PREX2: variants seen among roughly 807,000 people sequenced by gnomAD.
The protein encoded by PREX2 is phosphatidylinositol 3,4,5-trisphosphate-dependent Rac exchanger 2 protein.
In PREX2, 107 loss-of-function variants were observed where a neutral mutation model predicts 203.2. The observed-to-expected ratio is 0.53, with a 90% CI of 0.45 to 0.62. The LOEUF (loss-of-function observed/expected upper bound fraction) is 0.62, where lower values mean the gene tolerates loss of function less well. Ranked by LOEUF, PREX2 falls within the 20% of genes least tolerant of loss-of-function variation. The pLI, the probability that PREX2 is intolerant of heterozygous loss-of-function variation, is 0.00. For synonymous variants in PREX2, 672 were observed against 663.6 expected, an observed-to-expected ratio of 1.01 and a Z score of -0.19; for missense variants, 1,777 against 1,955.9, an observed-to-expected ratio of 0.91 and a Z score of 1.72.
intron 1 of PREX2, among the ~76,000 whole-genome samples, chr8:67,958,177 C>T (rs957906216): frequency 2.0e-5 from 3 of 152,180 alleles, no homozygotes; most frequent in African/African-American, 7.2e-5. Context: ...TGCAGACAAA[C>T]GCAGCTTATA....
At chr8:68,083,535 A>AT (rs1249284842) in intron 18 of PREX2, 147 bp downstream of exon 18, 3 of 495,202 alleles carry the variant, frequency 6.1e-6, no homozygotes, top group Admixed American at 7.1e-5. Flanking sequence ...TGGTTTACAG[A>AT]TGATGGGAGA....
chr8:68,087,691 G>T (rs772996350), intron 18 of PREX2, 33 bp from the exon 19 acceptor site: 1 of 1,478,468 alleles, frequency 6.8e-7, no homozygotes, highest in Non-Finnish European at 9.5e-7. Context: ...TGATTCTTAC[G>T]CTTCATCTTA....
intron 1 of PREX2, among the ~76,000 whole-genome samples, chr8:67,976,217 A>T (rs2129609009): frequency 6.6e-6 from 1 of 152,246 alleles, no homozygotes; most frequent in African/African-American, 2.4e-5. Flanking sequence ...ACTAGGTCTT[A>T]AGGGCTCTTG....
chr8:68,001,908 G>T (rs10957413), intron 1 of PREX2, among the ~76,000 whole-genome samples: 1 of 151,890 alleles, frequency 6.6e-6, no homozygotes, highest in Non-Finnish European at 1.5e-5. Flanking sequence ...ACTTGGACAC[G>T]AAGAGGGGAA....
chr8:68,195,008 A>T (rs1447411311), intron 37 of PREX2, among the ~76,000 whole-genome samples: 3 of 152,198 alleles, frequency 2.0e-5, no homozygotes, highest in Non-Finnish European at 4.4e-5. Context: ...GATCATAGTT[A>T]TCAGAGGTCT....
chr8:68,078,094 T>C (rs1044588311), intron 15 of PREX2, among the ~76,000 whole-genome samples: 18 of 152,180 alleles, frequency 1.2e-4, no homozygotes, highest in Admixed American at 7.2e-4. Flanking sequence ...ATCAGGGTAA[T>C]GATAGCAAGC....
At chr8:68,009,968 C>T (rs1009181781) in intron 1 of PREX2, among the ~76,000 whole-genome samples, 2 of 152,160 alleles carry the variant, frequency 1.3e-5, no homozygotes, top group Non-Finnish European at 2.9e-5. Context: ...CTTGTGACAT[C>T]TCATTGAAAT....
At chr8:68,110,803 A>G (rs1810519233) in intron 25 of PREX2, 3 of 224,076 alleles carry the variant, frequency 1.3e-5, no homozygotes, top group Non-Finnish European at 2.7e-5. Context: ...TTTAAAAATT[A>G]TCCTCAATAT....
At chr8:68,081,381 C>G (rs554143521) in intron 17 of PREX2, among the ~76,000 whole-genome samples, 2 of 152,146 alleles carry the variant, frequency 1.3e-5, no homozygotes, top group Non-Finnish European at 1.5e-5. Context: ...TGGACCCATA[C>G]TGGTCCGCAG....
At chr8:68,099,607 T>C (rs1466530536) in intron 22 of PREX2, 75 bp from the exon 23 acceptor site, 53 of 1,397,650 alleles carry the variant, frequency 3.8e-5, no homozygotes, top group Admixed American at 4.5e-5. Flanking sequence ...TCTTCTTGTT[T>C]CGTTTTGTTT....
chr8:67,999,838 A>G (rs1479873913), intron 1 of PREX2, among the ~76,000 whole-genome samples: 1 of 152,232 alleles, frequency 6.6e-6, no homozygotes, highest in Non-Finnish European at 1.5e-5. Context: ...GTGATTCATC[A>G]CATAAAACAG....
intron 19 of PREX2, among the ~76,000 whole-genome samples, chr8:68,089,131 T>C (rs6998325): frequency 0.72 from 106,713 of 148,100 alleles, 38,607 homozygotes; most frequent in African/African-American, 0.75. Context: ...CTCCCCTGCC[T>C]CCCACCCTCA....
In PREX2 at chr8:68,027,298, T is replaced by G; in HGVS notation, c.518T>G (p.Ile173Arg). 6.2e-7 allele frequency: 1 copy of G among 1,605,834 alleles called. No homozygotes were observed. The highest frequency in any genetic ancestry group is 8.5e-7 in the Non-Finnish European group (1 of 1,172,750). Residue 173 changes from isoleucine to arginine, a missense_variant, in exon 5 of 40, where the codon ATA becomes AGA. Transcript: ENST00000288368. The part of the protein sequence containing the change: ...EGYLVTPIQR[I>R]CKYPLILKEL... ...TATTTAGTAACACCAATACAAAGAA[T>G]ATGCAAGTACCCTCTTATTTTGAAG...
intron 35 of PREX2, among the ~76,000 whole-genome samples, chr8:68,162,024 A>G (rs536063697): frequency 1.3e-5 from 2 of 152,278 alleles, no homozygotes; most frequent in South Asian, 4.1e-4. Flanking sequence ...TTAGAAAACC[A>G]TCAGATCTCT....
At chr8:68,222,638 A>C (rs765499952) in intron 38 of PREX2, among the ~76,000 whole-genome samples, 32 of 146,712 alleles carry the variant, frequency 2.2e-4, no homozygotes, top group Non-Finnish European at 3.3e-4. Context: ...AAAATCAGTG[A>C]GTGAAAGTTT....
chr8:68,186,110 CATT>C (rs1350368350), intron 35 of PREX2, among the ~76,000 whole-genome samples: 2 of 152,124 alleles, frequency 1.3e-5, no homozygotes, highest in African/African-American at 4.8e-5. Flanking sequence ...TACCTGTAAA[CATT>C]ATGATTGGTA....
intron 11 of PREX2, among the ~76,000 whole-genome samples, chr8:68,066,932 A>G (rs1809032377): frequency 6.6e-6 from 1 of 151,996 alleles, no homozygotes; most frequent in Non-Finnish European, 1.5e-5. Context: ...GGTCCCATTT[A>G]ATTATTTTGC....
intron 37 of PREX2, among the ~76,000 whole-genome samples, chr8:68,196,476 T>TAC (rs1440532746): frequency 2.0e-5 from 3 of 147,156 alleles, no homozygotes; most frequent in South Asian, 2.1e-4. Context: ...TATATATATG[T>TAC]ACATATATAT....
chr8:67,952,579 G>C (rs377559517), intron 1 of PREX2, 44 bp downstream of exon 1: 1 of 1,587,532 alleles, frequency 6.3e-7, no homozygotes, highest in Non-Finnish European at 8.6e-7. Context: ...GGGCGGCGCG[G>C]GGCGCGGGTC....
Sources: allele counts gnomAD v4.1 joint callset (sites outside exome capture counted in the v4.1 genomes callset), GRCh38; gene constraint gnomAD v4.1.1; transcripts MANE v1.5; gene names NCBI Gene and HGNC (gene_info 2026-07-23, HGNC 2026-07-21).